ITGAE: variants seen among roughly 807,000 people sequenced by gnomAD.
ITGAE encodes the protein integrin alpha-E.
In ITGAE, 99 loss-of-function variants were observed where a neutral mutation model predicts 136.5. The ratio of observed to expected loss-of-function variants is 0.73; its 90% CI spans 0.62 to 0.86. The LOEUF is 0.86. Ranked by LOEUF, ITGAE falls within the 40% of genes least tolerant of loss-of-function variation. ITGAE has a pLI of 0.00. For synonymous variants in ITGAE, 613 were observed against 591.8 expected (o/e 1.04, Z -0.52); for missense variants, 1,447 against 1,515.3 (o/e 0.95, Z 0.75).
At chr17:3,760,945 C>T (rs2052148958) in intron 6 of ITGAE, 68 bp downstream of exon 6, 1 of 1,543,390 alleles carries the variant, frequency 6.5e-7, no homozygotes, top group Non-Finnish European at 8.7e-7. Flanking sequence ...ACCCCTCACC[C>T]TTGGAGGCCA....
Position 3,726,354 on chromosome 17 carries a change from C to G in ITGAE, c.3084+1565G>C, listed in dbSNP as rs117052767. The G allele has an allele frequency of 6.1e-4, 931 of 1,527,860 alleles. 1 individual carries two copies. Among genetic ancestry groups the G allele is most frequent in the Non-Finnish European group, 7.8e-4 (870 of 1,115,208 alleles). The allele number at this position is 1,527,860 out of a possible 1,614,324, so 94.6% of individuals were successfully genotyped here. Reference sequence around the variant, plus strand: ...GTAAGCTAAATGTATCTTACTGCCCCGAAATGAGAGGAGACTGGTCTTGAA... The same window carrying G: ...GTAAGCTAAATGTATCTTACTGCCCGGAAATGAGAGGAGACTGGTCTTGAA... On this transcript the variant is annotated intron_variant, in intron 26 of 30. Transcript: ENST00000263087.
At chr17:3,749,315 C>T (rs1415569455) in intron 16 of ITGAE, among the ~76,000 whole-genome samples, 13 of 151,100 alleles carry the variant, frequency 8.6e-5, no homozygotes, top group East Asian at 2.0e-4. Flanking sequence ...AGTGCAGTGG[C>T]GCGATCTCCG....
In ITGAE at chr17:3,763,917, G is replaced by A. The variant is rs746334683; in HGVS notation, c.199C>T (p.Leu67Phe). ...TCCTGGACAAGGGAACATCGATGGA[G>A]GGGCCCTGGTGTCCTCTTGGTTCTG... ...SPRTKRTPGP[L>F]HRCSLVQDEI... Residue 67 changes from leucine to phenylalanine, a missense_variant, in exon 3 of 31, where the codon CTC becomes TTC. Physicochemically the swap from Leu to Phe is conservative, Grantham distance 22. This residue lies in a region of ITGAE where 106 missense variants were observed against 87.8 expected (regional missense o/e 1.21). Coordinates refer to ENST00000263087, the MANE Select transcript of ITGAE (RefSeq NM_002208.5). The A allele has an allele frequency of 6.2e-7, 1 of 1,613,890 alleles. No homozygotes were observed. The highest frequency in any genetic ancestry group is 2.2e-5 in the East Asian group (1 of 44,872).
chr17:3,719,235 C>CAA (rs746282209), intron 29 of ITGAE, among the ~76,000 whole-genome samples: 8 of 66,196 alleles, frequency 1.2e-4, no homozygotes, highest in South Asian at 5.7e-4. Context: ...GATTCTTCCT[C>CAA]AAAAAAAAAA....
chr17:3,739,655 G>A, intron 20 of ITGAE, 150 bp downstream of exon 20: 1 of 676,392 alleles, frequency 1.5e-6, no homozygotes. Context: ...TGGGGTAGCT[G>A]AGGACATATT....
Position 3,734,922 on chromosome 17 carries a change from C to G in ITGAE, c.2550G>C (p.Lys850Asn). 1 of 1,614,182 alleles carries G rather than the reference C, an allele frequency of 6.2e-7. No individual in the cohort carries two copies. The highest frequency in any genetic ancestry group is 8.5e-7 in the Non-Finnish European group (1 of 1,180,032). The change falls in exon 21 of 31, where the codon AAG (lysine) becomes AAC (asparagine). Residue 850 changes from lysine (K) to asparagine (N), a missense_variant. This residue lies in a region of ITGAE where 1,031 missense variants were observed against 1,011.4 expected (regional missense o/e 1.02). Coordinates refer to ENST00000263087, the MANE Select transcript of ITGAE (RefSeq NM_002208.5). ...SQQELVVGLT[K>N]ELTLNINLTN... Reference sequence around the variant, plus strand: ...TTAGGTTAATGTTCAGGGTCAGCTCCTTTGTGAGACCCACCACCAACTCCT... The same window carrying G: ...TTAGGTTAATGTTCAGGGTCAGCTCGTTTGTGAGACCCACCACCAACTCCT...
intron 26 of ITGAE, among the ~76,000 whole-genome samples, chr17:3,727,456 G>A (rs2051240051): frequency 6.6e-6 from 1 of 150,818 alleles, no homozygotes; most frequent in Non-Finnish European, 1.5e-5. Flanking sequence ...CTGGAGTGCA[G>A]TGGCAGGATC....
intron 1 of ITGAE, among the ~76,000 whole-genome samples, chr17:3,786,783 G>A (rs1404077735): frequency 4.0e-5 from 6 of 151,484 alleles, no homozygotes; most frequent in South Asian, 4.2e-4. Context: ...CCAGCTACTC[G>A]GGAGGCTGAG....
intron 17 of ITGAE, among the ~76,000 whole-genome samples, chr17:3,746,171 T>A (rs1287696019): frequency 6.6e-6 from 1 of 152,160 alleles, no homozygotes; most frequent in East Asian, 1.9e-4. Context: ...CAGGACTGAG[T>A]CAGCCTTCTT....
chr17:3,725,878 G>A (rs778788646), intron 26 of ITGAE: 2 of 1,611,914 alleles, frequency 1.2e-6, no homozygotes, highest in South Asian at 1.1e-5. Context: ...TTTGAGCACC[G>A]AGACTTACAC....
chr17:3,721,026 T>C (rs1011417582), intron 28 of ITGAE, among the ~76,000 whole-genome samples: 1 of 152,080 alleles, frequency 6.6e-6, no homozygotes, highest in Non-Finnish European at 1.5e-5. Context: ...CCTTCCAGGC[T>C]CAAGTGATCC....
At chr17:3,756,910 T>G in intron 10 of ITGAE, 74 bp downstream of exon 10, 2 of 1,496,724 alleles carry the variant, frequency 1.3e-6, no homozygotes, top group Non-Finnish European at 1.8e-6. Context: ...AGAAACCACA[T>G]GAAGATGGGA....
intron 2 of ITGAE, among the ~76,000 whole-genome samples, chr17:3,767,224 A>C (rs2143182613): frequency 6.6e-6 from 1 of 152,022 alleles, no homozygotes; most frequent in Admixed American, 6.6e-5. Context: ...GGCCTCCCAA[A>C]GTGCTGCGAT....
chr17:3,764,038 A>G (rs901214943), intron 2 of ITGAE, 78 bp from the exon 3 acceptor site: 5 of 1,023,924 alleles, frequency 4.9e-6, no homozygotes, highest in African/African-American at 1.6e-5. Context: ...CACCCTTCCC[A>G]TTCCAGTTGC....
intron 1 of ITGAE, among the ~76,000 whole-genome samples, chr17:3,797,300 G>A (rs1449227004): frequency 3.3e-5 from 5 of 150,188 alleles, no homozygotes; most frequent in South Asian, 2.1e-4. Context: ...CGAGTAGCTG[G>A]GACTACAGGC....
rs144742149 is a variant in ITGAE, at chr17:3,724,761, G to A, written c.3085-1017C>T. 3.1e-6 allele frequency: 5 copies of A among 1,614,092 alleles called. No homozygotes were observed. In the African/African-American group the frequency reaches 6.7e-5, roughly 22 times the overall value. On this transcript the variant is annotated intron_variant, in intron 26 of 30. Transcript: ENST00000263087. ...AGAGTCCTGCTGTAAAAGGAAACTG[G>A]TGGTGGGAAATGGACCAGAGGGTCC...
chr17:3,736,800 C>G (rs188477566), intron 20 of ITGAE, among the ~76,000 whole-genome samples: 12 of 152,148 alleles, frequency 7.9e-5, no homozygotes, highest in Admixed American at 5.9e-4. Context: ...TATGGCCTCC[C>G]AAAGTGCTGG....
chr17:3,747,462 C>T (rs1051814102), intron 17 of ITGAE, among the ~76,000 whole-genome samples: 2 of 152,128 alleles, frequency 1.3e-5, no homozygotes, highest in Non-Finnish European at 1.5e-5. Context: ...GGATTACAGG[C>T]ACCTGCCCGG....
At chr17:3,745,667 T>C in intron 18 of ITGAE, 97 bp downstream of exon 18, 1 of 1,183,122 alleles carries the variant, frequency 8.5e-7, no homozygotes, top group Non-Finnish European at 1.2e-6. Context: ...AATCACCTCA[T>C]TTGTAGGTCT....
Sources: gnomAD v4.1 joint callset for allele counts (sites outside exome capture counted in the v4.1 genomes callset) on GRCh38, gnomAD v4.1.1 for gene constraint, gnomAD v4.1.1 regional missense constraint, MANE v1.5 for transcripts, NCBI Gene and HGNC (gene_info 2026-07-23, HGNC 2026-07-21) for gene names.